The following LEMD1 variants were observed in gnomAD, a reference collection of about 807,000 sequenced individuals.
LEMD1 encodes LEM domain containing 1, also known as LEM domain-containing protein 1.
Under a neutral mutation model 17.4 loss-of-function variants are expected in LEMD1, and 18 were observed. The observed-to-expected ratio is 1.04, with a 90% CI of 0.72 to 1.54. LEMD1 has a LOEUF of 1.54. Ranked by LOEUF, LEMD1 falls within the 40% of genes most tolerant of loss-of-function variation. The pLI is 0.00. For missense variants in LEMD1, 195 were observed against 210.4 expected (o/e 0.93, Z 0.45); for synonymous variants, 88 against 77.8 (o/e 1.13, Z -0.69).
At chr1:205,439,026 C>A (rs1666252347) in intron 1 of LEMD1, among the ~76,000 whole-genome samples, 2 of 152,214 alleles carry the variant, frequency 1.3e-5, no homozygotes, top group South Asian at 4.1e-4. Context: ...TCCGGGGATA[C>A]AATTTCATCC....
intron 4 of LEMD1, among the ~76,000 whole-genome samples, chr1:205,394,538 C>A (rs1263833768): frequency 6.6e-6 from 1 of 152,056 alleles, no homozygotes; most frequent in East Asian, 1.9e-4. Flanking sequence ...GTGCCCACCA[C>A]CAAACCCAGC....
chr1:205,431,059 G>A (rs1666119689), intron 1 of LEMD1, among the ~76,000 whole-genome samples: 1 of 152,146 alleles, frequency 6.6e-6, no homozygotes, highest in African/African-American at 2.4e-5. Context: ...CAGCGAGCTT[G>A]GGGGTGGGGC....
chr1:205,404,406 T>C (rs1408904647), intron 4 of LEMD1, among the ~76,000 whole-genome samples: 3 of 152,320 alleles, frequency 2.0e-5, no homozygotes, highest in African/African-American at 4.8e-5. Flanking sequence ...TGCATATATA[T>C]TTAGGAAAGT....
At chr1:205,438,116 C>T (rs1419254013) in intron 1 of LEMD1, among the ~76,000 whole-genome samples, 1 of 152,184 alleles carries the variant, frequency 6.6e-6, no homozygotes, top group Non-Finnish European at 1.5e-5. Context: ...CCCCAAGCAC[C>T]CTTCACACTT....
upstream of LEMD1, among the ~76,000 whole-genome samples, chr1:205,423,869 CATGATAAGG>C (rs1666021116): frequency 6.6e-6 from 1 of 152,166 alleles, no homozygotes; most frequent in Admixed American, 6.5e-5. Context: ...AGGTATTCAA[CATGATAAGG>C]TACCTAAACC....
At chr1:205,400,772 A>C (rs532641693) in intron 4 of LEMD1, among the ~76,000 whole-genome samples, 2 of 151,352 alleles carry the variant, frequency 1.3e-5, no homozygotes, top group East Asian at 3.9e-4. Flanking sequence ...ATATGTATAC[A>C]TGTGCCATGC....
intron 4 of LEMD1, among the ~76,000 whole-genome samples, chr1:205,402,735 A>G (rs1038449258): frequency 1.3e-5 from 2 of 150,512 alleles, no homozygotes; most frequent in African/African-American, 4.9e-5. Context: ...TTCCAACACT[A>G]TGTTGAATAG....
intron 1 of LEMD1, among the ~76,000 whole-genome samples, chr1:205,430,176 C>A (rs1214243701): frequency 6.6e-6 from 1 of 152,194 alleles, no homozygotes; most frequent in Non-Finnish European, 1.5e-5. Context: ...TGAATTCTTG[C>A]CACATAGAAG....
In LEMD1 at chr1:205,409,930, G is replaced by A. The variant is rs185334944; in HGVS notation, c.270+6302C>T. Among the ~76,000 whole-genome samples, 65 of 151,412 alleles carry A rather than the reference G, an allele frequency of 4.3e-4. 1 individual carries two copies. Among genetic ancestry groups the A allele is most frequent in the Admixed American group, 2.5e-3 (38 of 15,204 alleles). ...TGGGATTACAGGCATGCACCACCAC[G>A]CCCAGCTAATTTTTTTGTATTTTTA... On this transcript the variant is annotated intron_variant, in intron 4 of 5. Transcript: ENST00000367153.
chr1:205,405,629 T>G (rs1350858946), intron 4 of LEMD1, among the ~76,000 whole-genome samples: 2 of 151,726 alleles, frequency 1.3e-5, no homozygotes, highest in Admixed American at 6.6e-5. Context: ...GTTTTCAACT[T>G]CTTTGCCTTT....
At chr1:205,411,017 GAGGA>G (rs1211636349) in intron 4 of LEMD1, among the ~76,000 whole-genome samples, 10 of 147,454 alleles carry the variant, frequency 6.8e-5, no homozygotes, top group South Asian at 4.3e-4. Context: ...GGGAGGGAGA[GAGGA>G]AGGAAGGAAG....
intron 4 of LEMD1, among the ~76,000 whole-genome samples, chr1:205,402,488 G>T (rs1664897462): frequency 1.3e-5 from 2 of 152,148 alleles, no homozygotes; most frequent in Non-Finnish European, 1.5e-5. Flanking sequence ...GTTCATTCAT[G>T]ATTTGGCTCT....
chr1:205,401,200 G>A (rs1664835127), intron 4 of LEMD1, among the ~76,000 whole-genome samples: 1 of 151,962 alleles, frequency 6.6e-6, no homozygotes, highest in Admixed American at 6.6e-5. Flanking sequence ...ATAGTCCTTT[G>A]GGTATATACC....
At chr1:205,442,985 G>A (rs1272607323) in intron 1 of LEMD1, among the ~76,000 whole-genome samples, 3 of 152,138 alleles carry the variant, frequency 2.0e-5, no homozygotes, top group Non-Finnish European at 4.4e-5. Context: ...AGGAGATTAG[G>A]CAAGATTTAA....
chr1:205,389,745 G>C (rs1158108256), intron 4 of LEMD1, among the ~76,000 whole-genome samples: 3 of 152,148 alleles, frequency 2.0e-5, no homozygotes, highest in Non-Finnish European at 4.4e-5. Flanking sequence ...ATAGCAAACT[G>C]GAAGTTATGA....
chr1:205,401,179 C>A (rs1381742898), intron 4 of LEMD1, among the ~76,000 whole-genome samples: 7 of 151,902 alleles, frequency 4.6e-5, no homozygotes, highest in African/African-American at 1.7e-4. Context: ...GTCTTTATAG[C>A]AGCATGATTT....
chr1:205,427,963 G>A (rs906419519), intron 1 of LEMD1, among the ~76,000 whole-genome samples: 17 of 152,188 alleles, frequency 1.1e-4, no homozygotes, highest in African/African-American at 4.1e-4. Flanking sequence ...AAGGAGAAGT[G>A]TGGATGTTTC....
In LEMD1 at chr1:205,448,609, C is replaced by T. The variant is rs1184621519; in HGVS notation, c.-39+1259G>A. Among the ~76,000 whole-genome samples, 1 of 152,148 alleles carries T rather than the reference C, an allele frequency of 6.6e-6. No individual in the cohort carries two copies. The highest frequency in any genetic ancestry group is 1.5e-5 in the Non-Finnish European group (1 of 68,024). On this transcript the variant is annotated intron_variant, in intron 1 of 3. Transcript: ENST00000367154. The surrounding 1 kb of genome is among the most constrained non-coding windows in gnomAD (Gnocchi z 4.7). ...GTTTCCAGTTCTTGCCCTACAAAGG[C>T]CTCACACAATGGTCCTCACTCCAGG...
chr1:205,385,862 G>A (rs1455823940), intron 4 of LEMD1: 4 of 152,332 alleles, frequency 2.6e-5, no homozygotes, highest in South Asian at 2.1e-4. Flanking sequence ...CAGACAGTGA[G>A]TCAGGAACTG....
Sources: allele counts gnomAD v4.1 joint callset (sites outside exome capture counted in the v4.1 genomes callset), GRCh38; gene constraint gnomAD v4.1.1; non-coding constraint Gnocchi (gnomAD v3.1); transcripts MANE v1.5; gene names NCBI Gene and HGNC (gene_info 2026-07-23, HGNC 2026-07-21).